LMO7: variants seen among roughly 807,000 people sequenced by gnomAD.
LMO7 encodes the protein LIM domain only protein 7.
Under a neutral mutation model 206.5 loss-of-function variants are expected in LMO7, and 120 were observed. The ratio of observed to expected loss-of-function variants is 0.58; its 90% CI spans 0.50 to 0.68. LMO7 has a LOEUF of 0.68. Among genes scored for constraint, LMO7 ranks in the 30% least tolerant of loss-of-function variants. The pLI, the probability that LMO7 is intolerant of heterozygous loss-of-function variation, is 0.00. For missense variants in LMO7, 1,959 were observed against 1,957.9 expected, an observed-to-expected ratio of 1.00 and a Z score of -0.01; for synonymous variants, 706 against 681.5, an observed-to-expected ratio of 1.04 and a Z score of -0.56.
chr13:75,780,199 T>C (rs1353955205), intron 4 of LMO7, among the ~76,000 whole-genome samples: 2 of 152,036 alleles, frequency 1.3e-5, no homozygotes, highest in Non-Finnish European at 2.9e-5. Flanking sequence ...GAAACAGGGT[T>C]CAAGAGCAGA....
chr13:75,663,432 C>CTTTCTTTCTTTCTTTTTTTTTT (rs1555289857), intron 1 of LMO7, among the ~76,000 whole-genome samples: 2 of 111,408 alleles, frequency 1.8e-5, no homozygotes, highest in African/African-American at 7.5e-5. Flanking sequence ...TTCTTTCTTT[C>CTTTCTTTCTTTCTTTTTTTTTT]TTTTTTTTTT....
At chr13:75,819,220 G>A (rs73227988) in intron 12 of LMO7, 173 bp from the exon 13 acceptor site, 6,387 of 594,598 alleles carry the variant, frequency 0.011, 41 homozygotes, top group Middle Eastern at 0.016. Context: ...AGACACATGA[G>A]ATAAAGGCTT....
chr13:75,746,415 C>G (rs982179032), intron 3 of LMO7, among the ~76,000 whole-genome samples: 1 of 152,182 alleles, frequency 6.6e-6, no homozygotes, highest in Non-Finnish European at 1.5e-5. Context: ...ACAAAATGCT[C>G]TAAAGCAACA....
chr13:75,769,800 A>C (rs1287057388), intron 4 of LMO7, among the ~76,000 whole-genome samples: 3 of 152,122 alleles, frequency 2.0e-5, no homozygotes, highest in Non-Finnish European at 2.9e-5. Flanking sequence ...TACTGTCATT[A>C]CTATAGTTCA....
intron 3 of LMO7, among the ~76,000 whole-genome samples, chr13:75,738,519 T>C (rs1020828279): frequency 3.9e-5 from 6 of 152,212 alleles, no homozygotes; most frequent in Non-Finnish European, 5.9e-5. Flanking sequence ...ATAGGGCTTT[T>C]CTCACTTGGC....
At position 75,800,699 on chromosome 13, in the gene LMO7, A is replaced by G; in HGVS notation, c.478A>G (p.Ser160Gly). Residue 160 changes from serine to glycine, a missense_variant, in exon 7 of 31, where the codon AGC (serine) becomes GGC (glycine). Transcript: ENST00000377534. ...QALTKALEDS[S>G]FLKRSGRDSG... Reference sequence around the variant, plus strand: ...TTTTCTTTAGGCACTCGAAGACTCCAGCTTCCTGAAAAGAAGTGGCAGGGA... The same window carrying G: ...TTTTCTTTAGGCACTCGAAGACTCCGGCTTCCTGAAAAGAAGTGGCAGGGA... The G allele has an allele frequency of 6.2e-7, 1 of 1,614,140 alleles. No individual in the cohort carries two copies. Among genetic ancestry groups the G allele is most frequent in the African/African-American group, 1.3e-5 (1 of 75,052 alleles).
At chr13:75,748,036 C>T (rs537486706) in intron 3 of LMO7, among the ~76,000 whole-genome samples, 2 of 152,232 alleles carry the variant, frequency 1.3e-5, no homozygotes, top group East Asian at 1.9e-4. Context: ...TGTTACTTGG[C>T]AGATTACATG....
At chr13:75,721,357 G>T (rs893455977) in intron 2 of LMO7, among the ~76,000 whole-genome samples, 4 of 152,042 alleles carry the variant, frequency 2.6e-5, no homozygotes, top group African/African-American at 7.2e-5. Flanking sequence ...GAAATGCCAG[G>T]TTTTTTTTGC....
At position 75,857,968 on chromosome 13, in the gene LMO7, G is replaced by A; in HGVS notation, c.*25G>A. The stretch of plus-strand genomic sequence containing the variant: ...ATGTAAGCCTCCATACGAAAGCACT[G>A]TTGCAGATAGAAGAAGAGGTGGTTG... On this transcript the variant is annotated 3_prime_UTR_variant, in exon 31 of 31. Transcript: ENST00000377534. The A allele has an allele frequency of 6.2e-7, 1 of 1,609,742 alleles. No individual in the cohort carries two copies. Among genetic ancestry groups the A allele is most frequent in the South Asian group, 1.1e-5 (1 of 90,514 alleles).
In LMO7 at chr13:75,796,597, C is replaced by T. The variant is rs562017971; in HGVS notation, c.349-39C>T. ...TTTGAGCTTGCAATTGGTTGCTAAT[C>T]GACTGATCTTGTTGTTCATGGATTT... On this transcript the variant is annotated intron_variant, in intron 5 of 30. Coordinates refer to ENST00000377534, the MANE Select transcript of LMO7 (RefSeq NM_001306080.2). 2.4e-5 allele frequency: 30 copies of T among 1,269,118 alleles called. 1 individual carries two copies. Among genetic ancestry groups the T allele is most frequent in the East Asian group, 2.1e-4 (9 of 42,822 alleles). 78.6% of individuals were successfully genotyped at this position (1,269,118 alleles called of 1,614,324 possible). A position where few individuals can be genotyped will look rare whatever the true frequency, so the allele number is the denominator to read the frequency against.
At chr13:75,663,432 C>CTTTCTTTCTTTCTTTCTTTTTT (rs1555289857) in intron 1 of LMO7, among the ~76,000 whole-genome samples, 5 of 111,406 alleles carry the variant, frequency 4.5e-5, no homozygotes, top group African/African-American at 1.9e-4. Flanking sequence ...TTCTTTCTTT[C>CTTTCTTTCTTTCTTTCTTTTTT]TTTTTTTTTT....
intron 1 of LMO7, among the ~76,000 whole-genome samples, chr13:75,660,108 G>C (rs1341776376): frequency 6.6e-6 from 1 of 152,160 alleles, no homozygotes; most frequent in Non-Finnish European, 1.5e-5. Flanking sequence ...AAACAACTCG[G>C]AGTATTCATT....
At chr13:75,825,909 G>C (rs749045170) in intron 15 of LMO7, among the ~76,000 whole-genome samples, 5 of 152,264 alleles carry the variant, frequency 3.3e-5, no homozygotes, top group East Asian at 3.9e-4. Flanking sequence ...CGGTAGCTTT[G>C]TGAAAGAATG....
chr13:75,621,062 A>C (rs1024828281), exon 1 of LMO7: 12 of 152,206 alleles, frequency 7.9e-5, no homozygotes, highest in Non-Finnish European at 1.5e-4. Context: ...ACCTTAAGCA[A>C]AAATATTCTC....
chr13:75,627,793 T>C (rs990344567), intron 2 of LMO7: 13 of 152,176 alleles, frequency 8.5e-5, no homozygotes, highest in African/African-American at 2.4e-4. Context: ...CAATAGTTTA[T>C]TTTAAAGCTA....
chr13:75,839,380 A>C (rs1304947805), intron 20 of LMO7, among the ~76,000 whole-genome samples: 1 of 152,204 alleles, frequency 6.6e-6, no homozygotes, highest in Non-Finnish European at 1.5e-5. Context: ...TTTATTTGAC[A>C]GCTGAGGTTT....
At chr13:75,746,610 G>A (rs2139317299) in intron 3 of LMO7, among the ~76,000 whole-genome samples, 1 of 152,260 alleles carries the variant, frequency 6.6e-6, no homozygotes, top group East Asian at 1.9e-4. Flanking sequence ...GCCAACAATG[G>A]GCCTGCATTC....
At chr13:75,824,669 T>C (rs1286534739) in intron 15 of LMO7, among the ~76,000 whole-genome samples, 1 of 152,150 alleles carries the variant, frequency 6.6e-6, no homozygotes, top group Non-Finnish European at 1.5e-5. Context: ...AGCATTTTGA[T>C]AGTTGTATGA....
At chr13:75,734,818 G>C (rs1477753979) in intron 3 of LMO7, among the ~76,000 whole-genome samples, 1 of 152,168 alleles carries the variant, frequency 6.6e-6, no homozygotes, top group Non-Finnish European at 1.5e-5. Context: ...AAATTATATA[G>C]GCCGGGTGTG....
Sources: allele counts gnomAD v4.1 joint callset (sites outside exome capture counted in the v4.1 genomes callset), GRCh38; gene constraint gnomAD v4.1.1; transcripts MANE v1.5; gene names NCBI Gene and HGNC (gene_info 2026-07-23, HGNC 2026-07-21).